The following GPBP1 variants were observed in gnomAD, a reference collection of about 807,000 sequenced individuals.
GPBP1 encodes vasculin.
In GPBP1, 13 loss-of-function variants were observed where a neutral mutation model predicts 56.5. That is an observed-to-expected ratio of 0.23 (90% CI 0.15 to 0.37). The LOEUF (loss-of-function observed/expected upper bound fraction) is 0.37, where lower values mean the gene tolerates loss of function less well. Among genes scored for constraint, GPBP1 ranks in the 10% least tolerant of loss-of-function variants. The pLI, the probability that GPBP1 is intolerant of heterozygous loss-of-function variation, is 1.00. For missense variants in GPBP1, 477 were observed against 572.3 expected, an observed-to-expected ratio of 0.83 and a Z score of 1.70; for synonymous variants, 204 against 188.9, an observed-to-expected ratio of 1.08 and a Z score of -0.66.
At chr5:57,186,196 A>G (rs1289302442) in intron 2 of GPBP1, among the ~76,000 whole-genome samples, 1 of 152,040 alleles carries the variant, frequency 6.6e-6, no homozygotes, top group African/African-American at 2.4e-5. Context: ...TGGAAGTTCA[A>G]GACCAGCCTG....
intron 10 of GPBP1, among the ~76,000 whole-genome samples, chr5:57,253,280 A>T (rs1580081021): frequency 1.3e-5 from 2 of 152,320 alleles, no homozygotes; most frequent in East Asian, 3.9e-4. Flanking sequence ...TTAGATTATC[A>T]TATTATTATT....
intron 3 of GPBP1, among the ~76,000 whole-genome samples, chr5:57,222,342 A>G (rs1313057775): frequency 2.0e-5 from 3 of 152,222 alleles, no homozygotes; most frequent in Non-Finnish European, 4.4e-5. Context: ...TTGCTGAGAC[A>G]TACTAGAGCT....
At position 57,175,568 on chromosome 5, in the gene GPBP1, TA is replaced by T. The variant is rs1471487305; in HGVS notation, c.-886del. ...GGATAATTTTGCCCCAGAAGTTTAT[TA>T]AAATTGGCAAGAATCGTCTGTGAAG... is the stretch of plus-strand genomic sequence containing the variant. On this transcript the variant is annotated 5_prime_UTR_variant, in exon 2 of 12. Coordinates refer to ENST00000506184, the MANE Select transcript of GPBP1 (RefSeq NM_022913.4). The T allele has an allele frequency of 2.5e-6, 1 of 398,300 alleles. No homozygotes were observed. The highest frequency in any genetic ancestry group is 3.6e-5 in the East Asian group (1 of 28,066). The allele number at this position is 398,300 out of a possible 1,614,324, so 24.7% of individuals were successfully genotyped here.
chr5:57,236,586 A>G (rs894594789), intron 6 of GPBP1, among the ~76,000 whole-genome samples: 1 of 152,170 alleles, frequency 6.6e-6, no homozygotes, highest in Admixed American at 6.5e-5. Context: ...GAGTTCTTCT[A>G]GAAATAACCC....
At chr5:57,197,421 C>T (rs894248519) in intron 2 of GPBP1, among the ~76,000 whole-genome samples, 5 of 133,448 alleles carry the variant, frequency 3.7e-5, no homozygotes, top group Non-Finnish European at 6.1e-5. Flanking sequence ...TGCATTGGTG[C>T]GATCTTAGCT....
At chr5:57,200,399 A>G (rs968965806) in intron 2 of GPBP1, among the ~76,000 whole-genome samples, 4 of 117,672 alleles carry the variant, frequency 3.4e-5, no homozygotes, top group African/African-American at 1.4e-4. Context: ...ATGGAGTATC[A>G]TACTGTCTCC....
At chr5:57,183,590 C>T (rs1176498041) in intron 2 of GPBP1, among the ~76,000 whole-genome samples, 4 of 151,956 alleles carry the variant, frequency 2.6e-5, no homozygotes, top group Non-Finnish European at 4.4e-5. Flanking sequence ...TGTCAGTGAG[C>T]TATGATTGTA....
chr5:57,213,978 A>C (rs1755601132), intron 2 of GPBP1, 96 bp from the exon 3 acceptor site: 1 of 589,810 alleles, frequency 1.7e-6, no homozygotes, highest in Admixed American at 3.2e-5. Context: ...TATAAATAGA[A>C]TCCTATAGTA....
At chr5:57,226,729 C>CTTTTTTTTT (rs70999067) in intron 3 of GPBP1, among the ~76,000 whole-genome samples, 1 of 77,098 alleles carries the variant, frequency 1.3e-5, no homozygotes, top group Non-Finnish European at 2.5e-5. Context: ...TTTTTGTATT[C>CTTTTTTTTT]TTTTTTTTTT....
intron 8 of GPBP1, among the ~76,000 whole-genome samples, chr5:57,247,919 T>C (rs1272288598): frequency 6.6e-6 from 1 of 151,980 alleles, no homozygotes; most frequent in Non-Finnish European, 1.5e-5. Context: ...ATTTTTTACT[T>C]TTTGTAGAGA....
At chr5:57,221,475 G>A in intron 3 of GPBP1, 1 of 879,038 alleles carries the variant, frequency 1.1e-6, no homozygotes, top group Middle Eastern at 2.4e-4. Flanking sequence ...ATGCTAGGAA[G>A]GATGACAAAA....
rs70999067 is a variant in GPBP1, at chr5:57,226,729, C to CTT, written c.64-4090_64-4089dup. ...ACCAAGCCTGGCTAATTTTTGTATTCTTTTTTTTTTTTTTTTTTTTTTTTT... is the reference window on the plus strand; with the variant it reads ...ACCAAGCCTGGCTAATTTTTGTATTCTTTTTTTTTTTTTTTTTTTTTTTTTTT... On this transcript the variant is annotated intron_variant, in intron 3 of 11. Transcript: ENST00000506184. Among the ~76,000 whole-genome samples the CTT allele has an allele frequency of 2.8e-3, 215 of 77,106 alleles. 18 individuals carry two copies. Among genetic ancestry groups the CTT allele is most frequent in the African/African-American group, 9.2e-3 (157 of 17,008 alleles). The allele number at this position is 77,106 out of a possible 152,430, so 50.6% of individuals were successfully genotyped here.
chr5:57,231,324 A>G lies in GPBP1; in HGVS notation c.411+3A>G, dbSNP rs1160351091. ...AACAGTTTGAAGCTGAGGATTTTGT[A>G]AGTTTTTTATGACTTTTATACAAAT... is the stretch of plus-strand genomic sequence containing the variant. On this transcript the variant is annotated splice_donor_region_variant and intron_variant, in intron 5 of 11. Coordinates refer to ENST00000506184, the MANE Select transcript of GPBP1 (RefSeq NM_022913.4). 7.5e-6 allele frequency: 12 copies of G among 1,606,674 alleles called. No homozygotes were observed. Among genetic ancestry groups the G allele is most frequent in the Non-Finnish European group, 1.0e-5 (12 of 1,175,834 alleles).
chr5:57,195,079 T>C (rs1315944762), intron 2 of GPBP1, among the ~76,000 whole-genome samples: 3 of 152,162 alleles, frequency 2.0e-5, no homozygotes, highest in Non-Finnish European at 4.4e-5. Flanking sequence ...ATGGGTTTTT[T>C]TTTTGCAATG....
intron 5 of GPBP1, among the ~76,000 whole-genome samples, chr5:57,234,158 A>G (rs1056890489): frequency 6.6e-6 from 1 of 152,212 alleles, no homozygotes; most frequent in Non-Finnish European, 1.5e-5. Flanking sequence ...AATGTTAGTA[A>G]TCATTTTTTA....
chr5:57,231,724 A>G (rs1040293159), intron 5 of GPBP1, among the ~76,000 whole-genome samples: 1 of 151,836 alleles, frequency 6.6e-6, no homozygotes, highest in Non-Finnish European at 1.5e-5. Flanking sequence ...CTTTTTATAT[A>G]TTCATTGTCA....
intron 2 of GPBP1, among the ~76,000 whole-genome samples, chr5:57,212,536 C>T (rs1755532486): frequency 1.3e-5 from 2 of 152,126 alleles, no homozygotes; most frequent in South Asian, 4.1e-4. Flanking sequence ...TTAAGGTTTT[C>T]AAGTTGTATC....
chr5:57,198,065 A>G (rs1754844150), intron 2 of GPBP1, among the ~76,000 whole-genome samples: 2 of 151,944 alleles, frequency 1.3e-5, no homozygotes, highest in African/African-American at 2.4e-5. Flanking sequence ...TGTTATGTTT[A>G]TGTGTTTGCT....
At chr5:57,196,043 A>C (rs1754734352) in intron 2 of GPBP1, among the ~76,000 whole-genome samples, 1 of 150,988 alleles carries the variant, frequency 6.6e-6, no homozygotes, top group Non-Finnish European at 1.5e-5. Flanking sequence ...AGATATGTAA[A>C]AGTCAATATG....
Sources: allele counts gnomAD v4.1 joint callset (sites outside exome capture counted in the v4.1 genomes callset), GRCh38; gene constraint gnomAD v4.1.1; transcripts MANE v1.5; gene names NCBI Gene and HGNC (gene_info 2026-07-23, HGNC 2026-07-21).